The following TMEM94 variants were observed in gnomAD, a reference collection of about 807,000 sequenced individuals.
The protein encoded by TMEM94 is ER Mg2+ ATPase.
In TMEM94, 81 loss-of-function variants were observed where a neutral mutation model predicts 158.6. The ratio of observed to expected loss-of-function variants is 0.51; its 90% CI spans 0.43 to 0.61. The LOEUF is 0.61. Ranked by LOEUF, TMEM94 falls within the 20% of genes least tolerant of loss-of-function variation. The pLI, the probability that TMEM94 is intolerant of heterozygous loss-of-function variation, is 0.00. For missense variants in TMEM94, 1,435 were observed against 1,762.0 expected (o/e 0.81, Z 3.32); for synonymous variants, 751 against 730.7 (o/e 1.03, Z -0.45).
In TMEM94 at chr17:75,492,340, G is replaced by A. The variant is rs898389727; in HGVS notation, c.1597-134G>A. On this transcript the variant is annotated intron_variant, in intron 14 of 31. Coordinates refer to ENST00000314256, the MANE Select transcript of TMEM94 (RefSeq NM_014738.6). The surrounding 1 kb of genome is among the most constrained non-coding windows in gnomAD (Gnocchi z 4.4). The stretch of plus-strand genomic sequence containing the variant: ...CAGGAGGGAGCGGGTGGAAGAGGGT[G>A]AGCAGCAGCTCTCTCCTGGGAAGGG... 42 of 1,439,376 alleles carry A rather than the reference G, an allele frequency of 2.9e-5. No individual in the cohort carries two copies. Among genetic ancestry groups the A allele is most frequent in the Non-Finnish European group, 2.5e-5 (28 of 1,099,542 alleles). The allele number at this position is 1,439,376 out of a possible 1,614,324, so 89.2% of individuals were successfully genotyped here. A position where few individuals can be genotyped will look rare whatever the true frequency, so the allele number is the denominator to read the frequency against.
At chr17:75,465,554 C>T (rs2050270856) in intron 1 of TMEM94, among the ~76,000 whole-genome samples, 1 of 151,280 alleles carries the variant, frequency 6.6e-6, no homozygotes, top group East Asian at 1.9e-4. Context: ...CCTCAGCCTC[C>T]CAAGTAGCTA....
At chr17:75,482,756 A>AG (rs1334666273) in intron 2 of TMEM94, among the ~76,000 whole-genome samples, 1 of 152,100 alleles carries the variant, frequency 6.6e-6, no homozygotes, top group Non-Finnish European at 1.5e-5. Context: ...CATTGGGATC[A>AG]TTGCATTCAT....
At position 75,485,626 on chromosome 17, in the gene TMEM94, T is replaced by G. The variant is rs569890685; in HGVS notation, c.144+79T>G. The G allele has an allele frequency of 4.7e-5, 74 of 1,584,984 alleles. 1 individual carries two copies. In the Middle Eastern group the frequency reaches 2.0e-3, roughly 43 times the overall value. On this transcript the variant is annotated intron_variant, in intron 3 of 31. Coordinates refer to ENST00000314256, the MANE Select transcript of TMEM94 (RefSeq NM_014738.6). The surrounding 1 kb of genome is among the most constrained non-coding windows in gnomAD (Gnocchi z 5.5). ...GGGAGGCCCCTTCTCAGGACTCTGATGTACCCTGTCACCCTGGACAGTGTG... is the reference window on the plus strand; with the variant it reads ...GGGAGGCCCCTTCTCAGGACTCTGAGGTACCCTGTCACCCTGGACAGTGTG...
intron 2 of TMEM94, among the ~76,000 whole-genome samples, chr17:75,475,714 G>A (rs1194231628): frequency 1.3e-5 from 1 of 76,566 alleles, no homozygotes; most frequent in East Asian, 2.5e-4. Flanking sequence ...GCAGGGCCTG[G>A]GCATTCCCGG....
In TMEM94 at chr17:75,489,187, A is replaced by C; in HGVS notation, c.765-79A>C. 1 of 1,360,714 alleles carries C rather than the reference A, an allele frequency of 7.3e-7. No individual in the cohort carries two copies. Among genetic ancestry groups the C allele is most frequent in the Non-Finnish European group, 1.0e-6 (1 of 956,616 alleles). The allele number at this position is 1,360,714 out of a possible 1,614,324, so 84.3% of individuals were successfully genotyped here. On this transcript the variant is annotated intron_variant, in intron 7 of 31. Transcript: ENST00000314256. This position sits in a 1 kb window ranked among gnomAD's most constrained non-coding sequence, Gnocchi z 5.0. The stretch of plus-strand genomic sequence containing the variant: ...GGTGCTTGAAGAAGCGGTATCTGGC[A>C]GAGAGGCCCAGAATCCTCCCAAGGT...
At position 75,493,489 on chromosome 17, in the gene TMEM94, A is replaced by G. The variant is rs2052402270; in HGVS notation, c.2087-2A>G. ...ACTCAGGGTTTGAACTCTCTCCCCC[A>G]GGCACAGAGCAGATGCTGTCCCATG... On this transcript the variant is annotated splice_acceptor_variant, in intron 16 of 31. Transcript: ENST00000314256. LOFTEE classifies it high-confidence loss of function. 6.2e-7 allele frequency: 1 copy of G among 1,613,604 alleles called. No individual in the cohort carries two copies. Among genetic ancestry groups the G allele is most frequent in the Non-Finnish European group, 8.5e-7 (1 of 1,179,644 alleles).
chr17:75,475,675 G>T (rs1043080686), intron 2 of TMEM94, among the ~76,000 whole-genome samples: 1 of 152,204 alleles, frequency 6.6e-6, no homozygotes, highest in African/African-American at 2.4e-5. Context: ...GGAGCCCCAG[G>T]TATCTGGCCT....
chr17:75,461,193 G>A (rs1429143746), intron 1 of TMEM94, among the ~76,000 whole-genome samples: 2 of 142,830 alleles, frequency 1.4e-5, no homozygotes, highest in Non-Finnish European at 3.0e-5. Flanking sequence ...TCCGCCTCCC[G>A]AGTTCAAGCA....
chr17:75,479,559 C>A (rs1263459013), intron 2 of TMEM94, among the ~76,000 whole-genome samples: 1 of 151,902 alleles, frequency 6.6e-6, no homozygotes. Context: ...ATCTCGTGAT[C>A]CCCCTGCCTC....
intron 23 of TMEM94, 46 bp downstream of exon 23, chr17:75,496,120 G>T: frequency 6.5e-7 from 1 of 1,545,316 alleles, no homozygotes; most frequent in South Asian, 1.1e-5. Flanking sequence ...CTACCTCCCA[G>T]ACCGGAGGAT....
In TMEM94 at chr17:75,495,075, G is replaced by GGGA; in HGVS notation, c.2728+41_2728+42insGGA. On this transcript the variant is annotated intron_variant, in intron 20 of 31. Coordinates refer to ENST00000314256, the MANE Select transcript of TMEM94 (RefSeq NM_014738.6). The surrounding 1 kb of genome is among the most constrained non-coding windows in gnomAD (Gnocchi z 5.6). Reference sequence around the variant, plus strand: ...TGGGGTGGGGACGGGGTGGCGGTGGGAGGATTCCCCTCCTCAGAGCCACAG... The same window carrying GGGA: ...TGGGGTGGGGACGGGGTGGCGGTGGGGGAAGGATTCCCCTCCTCAGAGCCACAG... 2 of 1,037,352 alleles carry GGGA rather than the reference G, an allele frequency of 1.9e-6. No homozygotes were observed. The highest frequency in any genetic ancestry group is 2.9e-6 in the Non-Finnish European group (2 of 691,992). 64.3% of individuals were successfully genotyped at this position (1,037,352 alleles called of 1,614,324 possible). A position where few individuals can be genotyped will look rare whatever the true frequency, so the allele number is the denominator to read the frequency against.
chr17:75,474,677 A>C (rs2050612889), intron 2 of TMEM94, among the ~76,000 whole-genome samples: 2 of 152,068 alleles, frequency 1.3e-5, no homozygotes, highest in African/African-American at 4.8e-5. Context: ...AAAACCAAAA[A>C]CAGTCAGAAG....
In TMEM94 at chr17:75,489,905, C is replaced by T. The variant is rs1452895169; in HGVS notation, c.954+243C>T. The T allele has an allele frequency of 1.7e-6, 1 of 578,498 alleles. No individual in the cohort carries two copies. The highest frequency in any genetic ancestry group is 3.0e-5 in the Admixed American group (1 of 33,144). The allele number at this position is 578,498 out of a possible 1,614,324, so 35.8% of individuals were successfully genotyped here. Reference sequence around the variant, plus strand: ...ACCATCCTGGCCAATATGGTGAAACCCCGTCTCTACTAAGAATATAAAAAT... The same window carrying T: ...ACCATCCTGGCCAATATGGTGAAACTCCGTCTCTACTAAGAATATAAAAAT... On this transcript the variant is annotated intron_variant, in intron 9 of 31. Coordinates refer to ENST00000314256, the MANE Select transcript of TMEM94 (RefSeq NM_014738.6). The surrounding 1 kb of genome is among the most constrained non-coding windows in gnomAD (Gnocchi z 5.0).
At chr17:75,493,659 G>A in intron 17 of TMEM94, 40 bp from the exon 18 acceptor site, 1 of 1,613,534 alleles carries the variant, frequency 6.2e-7, no homozygotes, top group Non-Finnish European at 8.5e-7. Flanking sequence ...CCCTTCACAG[G>A]CAGGAACACT....
In TMEM94 at chr17:75,496,750, C is replaced by T; in HGVS notation, c.3264C>T (p.Gly1088=). ...LIEQARHATY[G]IRKCFLFLLQ... is the part of the protein sequence containing the mutation. ...CCTAGGCTCGGCATGCCACCTATGG[C>T]ATCCGTAAGTGCTTCCTCTTCCTGC... Residue 1088 remains glycine, a synonymous_variant, in exon 25 of 32, where the codon GGC becomes GGT. Transcript: ENST00000314256. The T allele has an allele frequency of 6.2e-7, 1 of 1,613,902 alleles. No homozygotes were observed. Among genetic ancestry groups the T allele is most frequent in the Non-Finnish European group, 8.5e-7 (1 of 1,180,000 alleles).
At chr17:75,482,757 T>G (rs1384325377) in intron 2 of TMEM94, among the ~76,000 whole-genome samples, 1 of 152,182 alleles carries the variant, frequency 6.6e-6, no homozygotes, top group Non-Finnish European at 1.5e-5. Flanking sequence ...ATTGGGATCA[T>G]TGCATTCATT....
chr17:75,465,965 C>G (rs924291742), intron 1 of TMEM94, among the ~76,000 whole-genome samples: 2 of 152,062 alleles, frequency 1.3e-5, no homozygotes, highest in Non-Finnish European at 2.9e-5. Flanking sequence ...GTTGCCTAGA[C>G]TGGAGTGAAG....
intron 1 of TMEM94, among the ~76,000 whole-genome samples, chr17:75,460,582 C>T (rs1437292500): frequency 2.0e-5 from 3 of 146,590 alleles, no homozygotes; most frequent in Admixed American, 2.0e-4. Flanking sequence ...GGTGTGATTA[C>T]GGCTTACGGC....
chr17:75,466,229 T>C (rs1272867811), intron 1 of TMEM94, among the ~76,000 whole-genome samples: 3 of 152,206 alleles, frequency 2.0e-5, no homozygotes, highest in African/African-American at 7.2e-5. Flanking sequence ...AGATGTGTGA[T>C]GCATTTTAAG....
Sources: allele counts gnomAD v4.1 joint callset (sites outside exome capture counted in the v4.1 genomes callset), GRCh38; gene constraint gnomAD v4.1.1; non-coding constraint Gnocchi (gnomAD v3.1); transcripts MANE v1.5; gene names NCBI Gene and HGNC (gene_info 2026-07-23, HGNC 2026-07-21).